The following ALG9 variants were observed in gnomAD, a reference collection of about 807,000 sequenced individuals.
ALG9 encodes ALG9 alpha-1,2-mannosyltransferase.
Under a neutral mutation model 81.8 loss-of-function variants are expected in ALG9, and 55 were observed. That is an observed-to-expected ratio of 0.67 (90% CI 0.54 to 0.84). ALG9 has a LOEUF of 0.84. Among genes scored for constraint, ALG9 ranks in the 40% least tolerant of loss-of-function variants. The pLI is 0.00. For synonymous variants in ALG9, 278 were observed against 274.3 expected, an observed-to-expected ratio of 1.01 and a Z score of -0.13; for missense variants, 629 against 745.0, an observed-to-expected ratio of 0.84 and a Z score of 1.81.
At chr11:111,868,512 C>T in intron 3 of ALG9, 90 bp downstream of exon 3, 3 of 1,481,832 alleles carry the variant, frequency 2.0e-6, no homozygotes, top group Non-Finnish European at 2.7e-6. Flanking sequence ...TCCCTTTTAA[C>T]TTCCAATTCA....
At chr11:111,870,149 G>A in intron 2 of ALG9, 83 bp downstream of exon 2, 1 of 1,413,234 alleles carries the variant, frequency 7.1e-7, no homozygotes, top group Non-Finnish European at 9.6e-7. Context: ...AGTCACACTT[G>A]TATATTATTT....
chr11:111,785,780 A>T lies in ALG9; in HGVS notation c.*617T>A. ...AATAAAATTAGGTCACAGTTCCTCAAATGGTCACCTTTTTCCTGAGATAGC... is the reference window on the plus strand; with the variant it reads ...AATAAAATTAGGTCACAGTTCCTCATATGGTCACCTTTTTCCTGAGATAGC... On this transcript the variant is annotated 3_prime_UTR_variant, in exon 15 of 15. Coordinates refer to ENST00000616540, the MANE Select transcript of ALG9 (RefSeq NM_024740.2). 1 of 241,954 alleles carries T rather than the reference A, an allele frequency of 4.1e-6. No individual in the cohort carries two copies. The highest frequency in any genetic ancestry group is 5.2e-5 in the South Asian group (1 of 19,056). The allele number at this position is 241,954 out of a possible 1,614,324, so 15.0% of individuals were successfully genotyped here. A position where few individuals can be genotyped will look rare whatever the true frequency, so the allele number is the denominator to read the frequency against.
Position 111,871,346 on chromosome 11 carries a change from A to G in ALG9, c.131+6T>C. The G allele has an allele frequency of 6.6e-7, 1 of 1,519,562 alleles. No individual in the cohort carries two copies. Among genetic ancestry groups the G allele is most frequent in the Non-Finnish European group, 8.8e-7 (1 of 1,139,696 alleles). The allele number at this position is 1,519,562 out of a possible 1,614,324, so 94.1% of individuals were successfully genotyped here. A position where few individuals can be genotyped will look rare whatever the true frequency, so the allele number is the denominator to read the frequency against. On this transcript the variant is annotated splice_donor_region_variant and intron_variant, in intron 1 of 14. Transcript: ENST00000616540. Reference sequence around the variant, plus strand: ...CGGCCACGCCCCTGCCGCGCCGCACACGTACTCGGTCCGGTGCTCCGCGCC... The same window carrying G: ...CGGCCACGCCCCTGCCGCGCCGCACGCGTACTCGGTCCGGTGCTCCGCGCC...
intron 2 of ALG9, 77 bp from the exon 3 acceptor site, chr11:111,868,813 G>T (rs1289236117): frequency 3.5e-6 from 5 of 1,421,238 alleles, no homozygotes; most frequent in Non-Finnish European, 4.7e-6. Flanking sequence ...TGAAGTTTCT[G>T]AGCAGAAATA....
chr11:111,808,753 G>A (rs1555087882), intron 14 of ALG9, among the ~76,000 whole-genome samples: 1 of 152,104 alleles, frequency 6.6e-6, no homozygotes, highest in Non-Finnish European at 1.5e-5. Flanking sequence ...TGCTCACCAG[G>A]CCTCCCTGGA....
At chr11:111,865,139 G>T (rs1961908510) in intron 4 of ALG9, 42 bp downstream of exon 4, 15 of 1,425,910 alleles carry the variant, frequency 1.1e-5, no homozygotes, top group Non-Finnish European at 1.4e-5. Flanking sequence ...GCAATAATGG[G>T]TTTCCTCACA....
At chr11:111,853,343 A>G (rs782558328) in intron 8 of ALG9, 37 bp downstream of exon 8, 3 of 1,458,022 alleles carry the variant, frequency 2.1e-6, no homozygotes, top group South Asian at 2.3e-5. Context: ...AAATTAAGCT[A>G]TCTCCTAACA....
intron 13 of ALG9, among the ~76,000 whole-genome samples, chr11:111,834,241 G>C (rs533732684): frequency 6.6e-6 from 1 of 152,352 alleles, no homozygotes; most frequent in Middle Eastern, 3.4e-3. Context: ...CAAAGAGGAA[G>C]ATAATTTTGA....
At chr11:111,807,540 T>C (rs187524838) in intron 14 of ALG9, among the ~76,000 whole-genome samples, 57 of 152,354 alleles carry the variant, frequency 3.7e-4, no homozygotes, top group African/African-American at 1.3e-3. Context: ...GCATTTATCA[T>C]CCTCTAATAT....
At chr11:111,806,970 T>C (rs1206282521) in intron 14 of ALG9, among the ~76,000 whole-genome samples, 2 of 152,108 alleles carry the variant, frequency 1.3e-5, no homozygotes, top group African/African-American at 2.4e-5. Flanking sequence ...ACACCTCAAA[T>C]ACAGTGCATT....
the ALG9 span, among the ~76,000 whole-genome samples, chr11:111,773,743 C>T: frequency 7.3e-6 from 1 of 136,412 alleles, no homozygotes; most frequent in African/African-American, 2.8e-5. Flanking sequence ...ATACGAAAAT[C>T]ATCTTTTGTT....
chr11:111,838,322 C>T lies in ALG9; in HGVS notation c.1251G>A (p.Ser417=), dbSNP rs782372397. The stretch of plus-strand genomic sequence containing the variant: ...AGACAGTTCCTAATGCCAGCCAATT[C>T]GATGTCACAGTATAGTGCTCCAGGC... ...RYRLEHYTVT[S]NWLALGTVFL... Residue 417 remains serine, a synonymous_variant, in exon 11 of 15, where the codon TCG becomes TCA. Coordinates refer to ENST00000616540, the MANE Select transcript of ALG9 (RefSeq NM_024740.2). 37 of 1,613,876 alleles carry T rather than the reference C, an allele frequency of 2.3e-5. No individual in the cohort carries two copies. In the Middle Eastern group the frequency reaches 4.9e-4, roughly 22 times the overall value.
chr11:111,839,558 C>T (rs1955879075), intron 10 of ALG9, among the ~76,000 whole-genome samples: 1 of 131,522 alleles, frequency 7.6e-6, no homozygotes, highest in African/African-American at 3.0e-5. Flanking sequence ...GCACTCCATC[C>T]AGCCTGGGCG....
At chr11:111,867,317 AG>A (rs1481689076) in intron 3 of ALG9, among the ~76,000 whole-genome samples, 1 of 152,230 alleles carries the variant, frequency 6.6e-6, no homozygotes, top group Non-Finnish European at 1.5e-5. Flanking sequence ...AGATCCTACC[AG>A]GTCTTGTAGA....
At chr11:111,847,775 G>C (rs1555131984) in intron 8 of ALG9, among the ~76,000 whole-genome samples, 1 of 152,080 alleles carries the variant, frequency 6.6e-6, no homozygotes. Flanking sequence ...TTCAACAAAA[G>C]GGTCTGGTAC....
chr11:111,807,444 C>A (rs1344676072), intron 14 of ALG9, among the ~76,000 whole-genome samples: 1 of 152,100 alleles, frequency 6.6e-6, no homozygotes, highest in Non-Finnish European at 1.5e-5. Context: ...TCATTGAGGC[C>A]GACTCTGACC....
Position 111,830,227 on chromosome 11 carries a change from G to A in ALG9, c.1602+5938C>T, listed in dbSNP as rs564127196. 3.9e-5 allele frequency among the ~76,000 whole-genome samples: 6 copies of A among 152,254 alleles called. No individual in the cohort carries two copies. The South Asian group carries it at 1.2e-3, about 32-fold the overall frequency. On this transcript the variant is annotated intron_variant, in intron 13 of 14. Transcript: ENST00000616540. ...TATTGAAATAAGAACATGGAGGCCT[G>A]GGAGGAAACATCTGAAAGGGAAAAA... is the stretch of plus-strand genomic sequence containing the variant.
intron 5 of ALG9, among the ~76,000 whole-genome samples, chr11:111,858,693 A>G (rs1039239839): frequency 5.3e-5 from 8 of 152,244 alleles, no homozygotes; most frequent in Non-Finnish European, 1.2e-4. Context: ...ACAAAAATGC[A>G]GATCTGCCTC....
rs2137016600 is a variant in ALG9, at chr11:111,850,781, T to C, written c.895+2599A>G. 2.0e-5 allele frequency among the ~76,000 whole-genome samples: 3 copies of C among 146,826 alleles called. No individual in the cohort carries two copies. In the Middle Eastern group the frequency reaches 0.011, roughly 521 times the overall value. ...CAAAGATGAGGTAAAGGCACACAAATCCTGCCATCAAGGAACAACTGCCTA... is the reference window on the plus strand; with the variant it reads ...CAAAGATGAGGTAAAGGCACACAAACCCTGCCATCAAGGAACAACTGCCTA... On this transcript the variant is annotated intron_variant, in intron 8 of 14. Transcript: ENST00000616540.
Sources: gnomAD v4.1 joint callset for allele counts (sites outside exome capture counted in the v4.1 genomes callset) on GRCh38, gnomAD v4.1.1 for gene constraint, MANE v1.5 for transcripts, NCBI Gene and HGNC (gene_info 2026-07-23, HGNC 2026-07-21) for gene names.